CNTN5: variants seen among roughly 807,000 people sequenced by gnomAD.
CNTN5 encodes contactin 5.
Under a neutral mutation model 129.1 loss-of-function variants are expected in CNTN5, and 77 were observed. The ratio of observed to expected loss-of-function variants is 0.60; its 90% CI spans 0.50 to 0.72. CNTN5 has a LOEUF of 0.72. Among genes scored for constraint, CNTN5 ranks in the 30% least tolerant of loss-of-function variants. The pLI, the probability that CNTN5 is intolerant of heterozygous loss-of-function variation, is 0.00. For missense variants in CNTN5, 1,478 were observed against 1,328.8 expected (o/e 1.11, Z -1.75); for synonymous variants, 509 against 465.6 (o/e 1.09, Z -1.20).
chr11:100,095,206 G>A (rs1332630454), intron 13 of CNTN5, among the ~76,000 whole-genome samples: 1 of 151,982 alleles, frequency 6.6e-6, no homozygotes, highest in Non-Finnish European at 1.5e-5. Flanking sequence ...CAATTACAAA[G>A]TATCTTCATT....
At chr11:99,505,341 TA>T (rs1450102506) in intron 2 of CNTN5, among the ~76,000 whole-genome samples, 4 of 152,210 alleles carry the variant, frequency 2.6e-5, no homozygotes, top group African/African-American at 9.6e-5. Context: ...GAGCATTGAT[TA>T]TCAGTACTCT....
At chr11:99,468,275 T>C (rs1046707741) in intron 2 of CNTN5, among the ~76,000 whole-genome samples, 2 of 152,194 alleles carry the variant, frequency 1.3e-5, no homozygotes, top group African/African-American at 4.8e-5. Context: ...CTTAGACTCA[T>C]GTAGGATCAT....
At chr11:99,362,190 G>T (rs1393306026) in intron 2 of CNTN5, among the ~76,000 whole-genome samples, 1 of 151,926 alleles carries the variant, frequency 6.6e-6, no homozygotes, top group Non-Finnish European at 1.5e-5. Context: ...TGGGTATAAA[G>T]TGGGATCTCA....
Position 100,035,068 on chromosome 11 carries a change from C to A in CNTN5, c.981-26144C>A, listed in dbSNP as rs546004221. On this transcript the variant is annotated intron_variant, in intron 9 of 24. Coordinates refer to ENST00000524871, the MANE Select transcript of CNTN5 (RefSeq NM_014361.4). ...CATGTGCCATGTTGGTGTGCTGCACCCATTAACTCGTCATTTAGCATGAGG... is the reference window on the plus strand; with the variant it reads ...CATGTGCCATGTTGGTGTGCTGCACACATTAACTCGTCATTTAGCATGAGG... Among the ~76,000 whole-genome samples, 11 of 152,078 alleles carry A rather than the reference C, an allele frequency of 7.2e-5. No individual in the cohort carries two copies. In the East Asian group the frequency reaches 1.9e-3, roughly 27 times the overall value.
intron 1 of CNTN5, among the ~76,000 whole-genome samples, chr11:99,269,883 CTA>C (rs1863094167): frequency 6.6e-6 from 1 of 151,728 alleles, no homozygotes; most frequent in Non-Finnish European, 1.5e-5. Context: ...ATAATTGATA[CTA>C]TGTTATTCAA....
intron 2 of CNTN5, among the ~76,000 whole-genome samples, chr11:99,368,752 A>G (rs545042226): frequency 6.6e-6 from 1 of 152,286 alleles, no homozygotes; most frequent in East Asian, 1.9e-4. Context: ...AATTTCTTAC[A>G]TGGGATTTGT....
At chr11:99,555,766 A>G (rs1018406131) in intron 2 of CNTN5, among the ~76,000 whole-genome samples, 5 of 151,944 alleles carry the variant, frequency 3.3e-5, no homozygotes, top group African/African-American at 1.2e-4. Context: ...CCAAAGGAGT[A>G]TATATTAATG....
At chr11:100,288,387 A>G (rs1950855142) in intron 18 of CNTN5, among the ~76,000 whole-genome samples, 1 of 152,186 alleles carries the variant, frequency 6.6e-6, no homozygotes. Context: ...AATGTGAAAG[A>G]ACAGAAATTA....
intron 3 of CNTN5, among the ~76,000 whole-genome samples, chr11:99,588,565 G>A (rs1303351634): frequency 1.3e-5 from 2 of 152,072 alleles, no homozygotes; most frequent in South Asian, 4.1e-4. Context: ...GAGCTCTTAG[G>A]GGGCACGTGG....
chr11:99,883,215 T>C (rs1392283568), intron 6 of CNTN5, among the ~76,000 whole-genome samples: 3 of 152,182 alleles, frequency 2.0e-5, no homozygotes, highest in Non-Finnish European at 4.4e-5. Context: ...TACTGATTTC[T>C]TTTGGGTGTA....
In CNTN5 at chr11:100,337,575, G is replaced by A. The variant is rs554622130; in HGVS notation, c.2731-2888G>A. ...GGATTTTCTGAGCAATGAGGGGCACGTCTATTCTACTGTGGAGGATGATCA... is the reference window on the plus strand; with the variant it reads ...GGATTTTCTGAGCAATGAGGGGCACATCTATTCTACTGTGGAGGATGATCA... On this transcript the variant is annotated intron_variant, in intron 21 of 24. Transcript: ENST00000524871. The A allele has an allele frequency of 9.6e-5, 71 of 740,782 alleles. 5 individuals are homozygous for A. The highest frequency in any genetic ancestry group is 1.5e-4 in the Non-Finnish European group (61 of 399,728). 45.9% of individuals were successfully genotyped at this position (740,782 alleles called of 1,614,324 possible).
intron 2 of CNTN5, among the ~76,000 whole-genome samples, chr11:99,408,935 T>C (rs1399448279): frequency 6.6e-6 from 1 of 152,206 alleles, no homozygotes; most frequent in Non-Finnish European, 1.5e-5. Flanking sequence ...TATAATAATC[T>C]GCAAAATAAA....
At chr11:99,709,476 A>C (rs891400784) in intron 3 of CNTN5, among the ~76,000 whole-genome samples, 1 of 151,822 alleles carries the variant, frequency 6.6e-6, no homozygotes, top group Non-Finnish European at 1.5e-5. Context: ...TAAATACCCC[A>C]TGTGTGCACA....
intron 3 of CNTN5, among the ~76,000 whole-genome samples, chr11:99,739,972 C>A (rs1943837232): frequency 1.3e-5 from 2 of 152,016 alleles, no homozygotes; most frequent in Admixed American, 1.3e-4. Flanking sequence ...AAGCTTTTGG[C>A]AAGTGCTATT....
intron 13 of CNTN5, among the ~76,000 whole-genome samples, chr11:100,099,819 T>C (rs1688559615): frequency 6.6e-6 from 1 of 152,110 alleles, no homozygotes; most frequent in Non-Finnish European, 1.5e-5. Flanking sequence ...TTGTTTCTAC[T>C]AAGTTACGTG....
intron 2 of CNTN5, among the ~76,000 whole-genome samples, chr11:99,356,918 TCTTTA>T (rs1938713689): frequency 2.7e-5 from 4 of 147,750 alleles, no homozygotes; most frequent in South Asian, 2.2e-4. Context: ...AGAATAAAGA[TCTTTA>T]CTTAAATCAG....
intron 1 of CNTN5, among the ~76,000 whole-genome samples, chr11:99,134,376 G>A (rs1003334427): frequency 6.6e-5 from 10 of 152,060 alleles, no homozygotes; most frequent in African/African-American, 1.9e-4. Flanking sequence ...TAAAAAACCT[G>A]CACATTCTGC....
chr11:100,264,395 T>C (rs971155935), intron 17 of CNTN5, among the ~76,000 whole-genome samples: 4 of 152,046 alleles, frequency 2.6e-5, no homozygotes, highest in Admixed American at 2.0e-4. Context: ...CCTCATCCCC[T>C]GACAGACCCC....
At chr11:100,213,811 T>C (rs1949083827) in intron 15 of CNTN5, among the ~76,000 whole-genome samples, 2 of 152,178 alleles carry the variant, frequency 1.3e-5, no homozygotes, top group African/African-American at 4.8e-5. Flanking sequence ...TCTAAGTATT[T>C]TTGAAGTTGA....
Sources: allele counts gnomAD v4.1 joint callset (sites outside exome capture counted in the v4.1 genomes callset), GRCh38; gene constraint gnomAD v4.1.1; transcripts MANE v1.5; gene names NCBI Gene and HGNC (gene_info 2026-07-23, HGNC 2026-07-21).